The following VASH1 variants were observed in gnomAD, a reference collection of about 807,000 sequenced individuals.
VASH1 encodes vasohibin 1, also known as tubulinyl-Tyr carboxypeptidase 1.
Under a neutral mutation model 35.0 loss-of-function variants are expected in VASH1, and 16 were observed. The observed-to-expected ratio is 0.46, with a 90% CI of 0.31 to 0.70. The LOEUF (loss-of-function observed/expected upper bound fraction) is 0.70, where lower values mean the gene tolerates loss of function less well. VASH1 is among the 30% of genes least tolerant of loss of function. VASH1 has a pLI of 0.05. For missense variants in VASH1, 505 were observed against 510.7 expected (o/e 0.99, Z 0.11); for synonymous variants, 214 against 200.9 (o/e 1.07, Z -0.55).
At chr14:76,765,064 A>T (rs1238876257) in intron 1 of VASH1, among the ~76,000 whole-genome samples, 1 of 152,134 alleles carries the variant, frequency 6.6e-6, no homozygotes, top group Admixed American at 6.5e-5. Flanking sequence ...ATTTGTCCCG[A>T]TGAGGCCAGA....
At chr14:76,774,114 A>G (rs1893865737) in intron 4 of VASH1, among the ~76,000 whole-genome samples, 1 of 152,118 alleles carries the variant, frequency 6.6e-6, no homozygotes, top group Non-Finnish European at 1.5e-5. Flanking sequence ...AGGGGGTCTG[A>G]TGGAACAGGA....
intron 1 of VASH1, among the ~76,000 whole-genome samples, 185 bp downstream of exon 1, chr14:76,763,315 C>G (rs1893556708): frequency 6.6e-6 from 1 of 152,152 alleles, no homozygotes; most frequent in African/African-American, 2.4e-5. Flanking sequence ...GAGGGAGGCT[C>G]ACATACATTG....
Position 76,769,944 on chromosome 14 carries a change from G to A in VASH1, c.310-19G>A, listed in dbSNP as rs1417870689. ...AGGTGAGCCTCTTCTTGTGACCGGA[G>A]CTCTTTCTCTGTCCCCAGATCCCCA... On this transcript the variant is annotated intron_variant, in intron 1 of 6. Coordinates refer to ENST00000167106, the MANE Select transcript of VASH1 (RefSeq NM_014909.5). 5 of 1,612,472 alleles carry A rather than the reference G, an allele frequency of 3.1e-6. No homozygotes were observed. In the Admixed American group the frequency reaches 6.7e-5, roughly 22 times the overall value.
At chr14:76,777,602 C>T (rs1443217882) in intron 5 of VASH1, among the ~76,000 whole-genome samples, 1 of 152,248 alleles carries the variant, frequency 6.6e-6, no homozygotes, top group Non-Finnish European at 1.5e-5. Context: ...CAGCATCACC[C>T]TTGGGGTGAG....
chr14:76,774,919 A>G, intron 4 of VASH1: 1 of 152,264 alleles, frequency 6.6e-6, no homozygotes. Flanking sequence ...CTCCTCTGCA[A>G]AGGGGGATAG....
rs780414933 is a variant in VASH1 at position 76,769,874 on chromosome 14, C to T, written c.310-89C>T. Reference sequence around the variant, plus strand: ...GAGGCTGTGCCTCCCCAGGGTGGGGCGCCTCTGGGGCCAGTCCTAGGTGTT... The same window carrying T: ...GAGGCTGTGCCTCCCCAGGGTGGGGTGCCTCTGGGGCCAGTCCTAGGTGTT... On this transcript the variant is annotated intron_variant, in intron 1 of 6. Transcript: ENST00000167106. 529 of 1,354,920 alleles carry T rather than the reference C, an allele frequency of 3.9e-4. 2 individuals carry two copies. Among genetic ancestry groups the T allele is most frequent in the Non-Finnish European group, 5.1e-4 (493 of 959,112 alleles). The allele number at this position is 1,354,920 out of a possible 1,614,324, so 83.9% of individuals were successfully genotyped here.
In VASH1 at chr14:76,779,071, T is replaced by G; in HGVS notation, c.*53T>G. ...CCACTCTTGGGGGCCAGGATCCACC[T>G]GCTGGAACCAGCCTTATGCATGGGG... is the stretch of plus-strand genomic sequence containing the variant. On this transcript the variant is annotated 3_prime_UTR_variant, in exon 7 of 7. Coordinates refer to ENST00000167106, the MANE Select transcript of VASH1 (RefSeq NM_014909.5). The G allele has an allele frequency of 6.3e-7, 1 of 1,588,402 alleles. No individual in the cohort carries two copies. Among genetic ancestry groups the G allele is most frequent in the Non-Finnish European group, 8.6e-7 (1 of 1,158,902 alleles).
In VASH1 at chr14:76,762,836, G is replaced by A; in HGVS notation, c.15G>A (p.Lys5=). The part of the protein sequence containing the change: MPGG[K]KVAGGGSSGA... ...AAGATTTAGGGATGCCAGGGGGGAA[G>A]AAGGTGGCTGGGGGTGGCAGCAGCG... Residue 5 remains lysine (K), a synonymous_variant, in exon 1 of 7, where the codon AAG becomes AAA. Transcript: ENST00000167106. The A allele has an allele frequency of 2.0e-6, 3 of 1,495,498 alleles. No individual in the cohort carries two copies. The highest frequency in any genetic ancestry group is 2.7e-6 in the Non-Finnish European group (3 of 1,122,604). 92.6% of individuals were successfully genotyped at this position (1,495,498 alleles called of 1,614,324 possible). A position where few individuals can be genotyped will look rare whatever the true frequency, so the allele number is the denominator to read the frequency against.
chr14:76,767,132 CT>C (rs1235285788), intron 1 of VASH1, among the ~76,000 whole-genome samples: 9 of 152,054 alleles, frequency 5.9e-5, no homozygotes, highest in African/African-American at 2.2e-4. Flanking sequence ...GTGATCCTAG[CT>C]ACTCTGGAGG....
chr14:76,778,635 T>A (rs1894012632), intron 6 of VASH1, among the ~76,000 whole-genome samples: 1 of 152,214 alleles, frequency 6.6e-6, no homozygotes, highest in African/African-American at 2.4e-5. Context: ...GACTTTTATC[T>A]AAGAGGCTTT....
At position 76,778,090 on chromosome 14, in the gene VASH1, C is replaced by T. The variant is rs1384921086; in HGVS notation, c.1025+19C>T. The T allele has an allele frequency of 2.1e-6, 3 of 1,434,440 alleles. No individual in the cohort carries two copies. The highest frequency in any genetic ancestry group is 6.0e-5 in the East Asian group (2 of 33,530). 88.9% of individuals were successfully genotyped at this position (1,434,440 alleles called of 1,614,324 possible). On this transcript the variant is annotated intron_variant, in intron 6 of 6. Coordinates refer to ENST00000167106, the MANE Select transcript of VASH1 (RefSeq NM_014909.5). ...AAAGACGGTGAGAGAGGGACCACGC[C>T]TGGGTGGGTCCAAAGAGGGTTTTTT...
At chr14:76,764,488 C>A (rs751499201) in intron 1 of VASH1, among the ~76,000 whole-genome samples, 1 of 152,016 alleles carries the variant, frequency 6.6e-6, no homozygotes, top group African/African-American at 2.4e-5. Flanking sequence ...ATTCTGAAAG[C>A]GAAAGTATTG....
chr14:76,778,032 A>T lies in VASH1; in HGVS notation c.986A>T (p.Gln329Leu). 1 of 1,530,082 alleles carries T rather than the reference A, an allele frequency of 6.5e-7. No homozygotes were observed. Among genetic ancestry groups the T allele is most frequent in the Non-Finnish European group, 8.8e-7 (1 of 1,139,154 alleles). The allele number at this position is 1,530,082 out of a possible 1,614,324, so 94.8% of individuals were successfully genotyped here. A position where few individuals can be genotyped will look rare whatever the true frequency, so the allele number is the denominator to read the frequency against. The change falls in exon 6 of 7, where the codon CAG (glutamine) becomes CTG (leucine). Residue 329 changes from glutamine to leucine, a missense_variant. Transcript: ENST00000167106. Reference sequence around the variant, plus strand: ...GATGTTTCTTCCCCGCAGCGGGCCCAGTCCAGCCCCCACCGCAGGAACAGC... The same window carrying T: ...GATGTTTCTTCCCCGCAGCGGGCCCTGTCCAGCCCCCACCGCAGGAACAGC... ...KKDVSSPQRA[Q>L]SSPHRRNSRS...
chr14:76,778,906 C>G lies in VASH1; in HGVS notation c.1026-40C>G, dbSNP rs200760695. The G allele has an allele frequency of 1.5e-4, 248 of 1,601,576 alleles. 2 individuals are homozygous for G. The East Asian group carries it at 5.5e-3, about 35-fold the overall frequency. On this transcript the variant is annotated intron_variant, in intron 6 of 6. Coordinates refer to ENST00000167106, the MANE Select transcript of VASH1 (RefSeq NM_014909.5). ...TCCCCAACTCCATCTCCCTAACAGA[C>G]CACTCACTCTCCTCCCGCTCTGCTC...
intron 1 of VASH1, among the ~76,000 whole-genome samples, chr14:76,766,684 C>T (rs1268319185): frequency 6.6e-6 from 1 of 152,180 alleles, no homozygotes; most frequent in Non-Finnish European, 1.5e-5. Flanking sequence ...TCAAGCCATC[C>T]TCCCGCCTCA....
Position 76,782,731 on chromosome 14 carries a change from G to A in VASH1, c.*3713G>A, listed in dbSNP as rs185528906. 13 of 152,754 alleles carry A rather than the reference G, an allele frequency of 8.5e-5. No homozygotes were observed. Among genetic ancestry groups the A allele is most frequent in the African/African-American group, 1.9e-4 (8 of 41,570 alleles). The allele number at this position is 152,754 out of a possible 1,614,324, so 9.5% of individuals were successfully genotyped here. ...CAAGTCCATCAGTATTGACCGTCTC[G>A]CTCCATCTTGGTCCTCCGGAGTCCC... is the stretch of plus-strand genomic sequence containing the variant. On this transcript the variant is annotated 3_prime_UTR_variant, in exon 7 of 7. Transcript: ENST00000167106.
chr14:76,772,643 A>G (rs1201555468), intron 3 of VASH1, among the ~76,000 whole-genome samples: 1 of 152,256 alleles, frequency 6.6e-6, no homozygotes, highest in African/African-American at 2.4e-5. Context: ...CTAAGATCCC[A>G]CATCCAGGCT....
rs1893935540 is a variant in VASH1 at position 76,776,174 on chromosome 14, G to A, written c.813G>A (p.Glu271=). 1 of 1,610,920 alleles carries A rather than the reference G, an allele frequency of 6.2e-7. No homozygotes were observed. The highest frequency in any genetic ancestry group is 2.2e-5 in the East Asian group (1 of 44,872). ...TGTCACACGACCCGCACAGCGTGGA[G>A]CAGATCGAGTGGAAGCACTCGGTGC... ...QSVSHDPHSV[E]QIEWKHSVLD... is the part of the protein sequence containing the mutation. The change falls in exon 5 of 7, where the codon GAG becomes GAA. Residue 271 remains glutamate, a synonymous_variant. Transcript: ENST00000167106.
Position 76,763,152 on chromosome 14 carries a change from G to A in VASH1, c.309+22G>A. On this transcript the variant is annotated intron_variant, in intron 1 of 6. Transcript: ENST00000167106. ...CAAGGTGAGACACACGGGTCAGGGG[G>A]GTGATAGCACAGTCTAGGTTTTAGT... 5 of 1,434,270 alleles carry A rather than the reference G, an allele frequency of 3.5e-6. No individual in the cohort carries two copies. In the South Asian group the frequency reaches 6.4e-5, roughly 18 times the overall value. 88.8% of individuals were successfully genotyped at this position (1,434,270 alleles called of 1,614,324 possible). A position where few individuals can be genotyped will look rare whatever the true frequency, so the allele number is the denominator to read the frequency against.
Sources: gnomAD v4.1 joint callset for allele counts (sites outside exome capture counted in the v4.1 genomes callset) on GRCh38, gnomAD v4.1.1 for gene constraint, MANE v1.5 for transcripts, NCBI Gene and HGNC (gene_info 2026-07-23, HGNC 2026-07-21) for gene names.